The following IKZF1 variants were observed in gnomAD, a reference collection of about 807,000 sequenced individuals.
The protein encoded by IKZF1 is DNA-binding protein Ikaros.
IKZF1 carries 10 observed loss-of-function variants against 51.7 expected under a neutral mutation model. The ratio of observed to expected loss-of-function variants is 0.19; its 90% CI spans 0.12 to 0.33. The LOEUF (loss-of-function observed/expected upper bound fraction) is 0.33, where lower values mean the gene tolerates loss of function less well. Among genes scored for constraint, IKZF1 ranks in the 10% least tolerant of loss-of-function variants. The pLI is 1.00. For missense variants in IKZF1, 484 were observed against 707.5 expected (o/e 0.68, Z 3.58); for synonymous variants, 280 against 282.3 (o/e 0.99, Z 0.08).
intron 2 of IKZF1, among the ~76,000 whole-genome samples, chr7:50,324,934 C>G (rs2153378332): frequency 6.6e-6 from 1 of 152,212 alleles, no homozygotes; most frequent in East Asian, 1.9e-4. Flanking sequence ...AGCATGATCG[C>G]AGGGAAAAGC....
intron 3 of IKZF1, chr7:50,368,419 A>G (rs1807652617): frequency 1.6e-6 from 1 of 636,690 alleles, no homozygotes; most frequent in Admixed American, 2.5e-5. Flanking sequence ...TCTGTCACCA[A>G]CAAAGAACTG....
intron 3 of IKZF1, among the ~76,000 whole-genome samples, chr7:50,339,791 A>C (rs956969693): frequency 8.6e-5 from 13 of 151,882 alleles, no homozygotes; most frequent in Admixed American, 7.2e-4. Context: ...TCTGTGTCTT[A>C]TTTATGAGCT....
At chr7:50,370,495 T>C (rs1208690733) in intron 3 of IKZF1, among the ~76,000 whole-genome samples, 6 of 152,230 alleles carry the variant, frequency 3.9e-5, no homozygotes, top group African/African-American at 1.4e-4. Context: ...CCACCTTCCA[T>C]ACAGGGGTGT....
At chr7:50,311,335 A>ATGTGT (rs1790120384) in intron 1 of IKZF1, among the ~76,000 whole-genome samples, 1 of 152,238 alleles carries the variant, frequency 6.6e-6, no homozygotes, top group East Asian at 1.9e-4. Context: ...TTACTCTAGA[A>ATGTGT]CACATGTTCT....
upstream of IKZF1, chr7:50,304,505 G>T: frequency 6.7e-6 from 1 of 150,164 alleles, no homozygotes; most frequent in South Asian, 2.0e-4. Flanking sequence ...GGGCGCGGCG[G>T]GGGCGGCCGG....
At chr7:50,316,453 A>G (rs1454625052) in intron 1 of IKZF1, among the ~76,000 whole-genome samples, 1 of 152,234 alleles carries the variant, frequency 6.6e-6, no homozygotes, top group Non-Finnish European at 1.5e-5. Context: ...GGAAATGTCC[A>G]GCAGGCCCAC....
Position 50,404,166 on chromosome 7 carries a change from T to G in IKZF1, c.*3539T>G, listed in dbSNP as rs889502766. 8 of 214,680 alleles carry G rather than the reference T, an allele frequency of 3.7e-5. No individual in the cohort carries two copies. The highest frequency in any genetic ancestry group is 1.8e-4 in the African/African-American group (8 of 44,262). 13.3% of individuals were successfully genotyped at this position (214,680 alleles called of 1,614,324 possible). On this transcript the variant is annotated 3_prime_UTR_variant, in exon 8 of 8. Transcript: ENST00000331340. ...TTGTTTCCAATACTTTCTAATACAGTTTTTTATAATGTTGTGTGTGGTGAT... is the reference window on the plus strand; with the variant it reads ...TTGTTTCCAATACTTTCTAATACAGGTTTTTATAATGTTGTGTGTGGTGAT...
chr7:50,395,163 T>C (rs1200559129), intron 7 of IKZF1, among the ~76,000 whole-genome samples: 1 of 152,216 alleles, frequency 6.6e-6, no homozygotes, highest in African/African-American at 2.4e-5. Context: ...AAATTACCAA[T>C]ATTAAAAGTA....
chr7:50,356,260 A>G (rs1347546202), intron 3 of IKZF1, among the ~76,000 whole-genome samples: 1 of 152,256 alleles, frequency 6.6e-6, no homozygotes, highest in Non-Finnish European at 1.5e-5. Flanking sequence ...AAAATAACAG[A>G]ATGGCCTTCT....
At chr7:50,329,253 C>G (rs1335887485) in intron 3 of IKZF1, among the ~76,000 whole-genome samples, 1 of 150,724 alleles carries the variant, frequency 6.6e-6, no homozygotes, top group African/African-American at 2.4e-5. Context: ...ATCCAGAAAA[C>G]AAGTACATTT....
Position 50,400,746 on chromosome 7 carries a change from A to T in IKZF1, c.*119A>T. 1 of 1,266,768 alleles carries T rather than the reference A, an allele frequency of 7.9e-7. No individual in the cohort carries two copies. The highest frequency in any genetic ancestry group is 1.1e-6 in the Non-Finnish European group (1 of 931,824). The allele number at this position is 1,266,768 out of a possible 1,614,324, so 78.5% of individuals were successfully genotyped here. A position where few individuals can be genotyped will look rare whatever the true frequency, so the allele number is the denominator to read the frequency against. ...CTGGACCAGACAATGTTGTGTTTGG[A>T]TTTGTAACTGTTTTTTGTTTTTTGT... On this transcript the variant is annotated 3_prime_UTR_variant, in exon 8 of 8. Coordinates refer to ENST00000331340, the MANE Select transcript of IKZF1 (RefSeq NM_006060.6). This position sits in a 1 kb window ranked among gnomAD's most constrained non-coding sequence, Gnocchi z 5.4.
chr7:50,396,615 A>G (rs562752627), intron 7 of IKZF1, among the ~76,000 whole-genome samples: 3 of 151,952 alleles, frequency 2.0e-5, no homozygotes, highest in African/African-American at 7.2e-5. Flanking sequence ...TAACCCTGAC[A>G]TTTCTTTTCA....
chr7:50,391,802 G>A lies in IKZF1; in HGVS notation c.789G>A (p.Val263=). 1 of 1,614,024 alleles carries A rather than the reference G, an allele frequency of 6.2e-7. No homozygotes were observed. Among genetic ancestry groups the A allele is most frequent in the Non-Finnish European group, 8.5e-7 (1 of 1,179,902 alleles). The change falls in exon 7 of 8, where the codon GTG becomes GTA. Residue 263 remains valine, a synonymous_variant. Coordinates refer to ENST00000331340, the MANE Select transcript of IKZF1 (RefSeq NM_006060.6). ...AGATAGGATCAGAGAGATCTCTCGT[G>A]CTGGACAGACTAGCAAGTAACGTCG... is the stretch of plus-strand genomic sequence containing the variant. ...LCKIGSERSL[V]LDRLASNVAK...
chr7:50,394,616 T>G (rs1816160803), intron 7 of IKZF1, among the ~76,000 whole-genome samples: 1 of 152,164 alleles, frequency 6.6e-6, no homozygotes, highest in African/African-American at 2.4e-5. Context: ...ATTCTGAGGC[T>G]CAGAAGGGGT....
chr7:50,307,972 ATT>A (rs1789216472), intron 1 of IKZF1, among the ~76,000 whole-genome samples: 1 of 152,116 alleles, frequency 6.6e-6, no homozygotes, highest in Admixed American at 6.5e-5. Context: ...GCTTTCTTGT[ATT>A]TCTTTGCAGT....
chr7:50,308,826 G>A lies in IKZF1; in HGVS notation c.-15+3904G>A, dbSNP rs1272289499. 2.6e-5 allele frequency: 4 copies of A among 152,290 alleles called. No homozygotes were observed. The East Asian group carries it at 7.7e-4, about 29-fold the overall frequency. The allele number at this position is 152,290 out of a possible 1,614,324, so 9.4% of individuals were successfully genotyped here. A position where few individuals can be genotyped will look rare whatever the true frequency, so the allele number is the denominator to read the frequency against. On this transcript the variant is annotated intron_variant, in intron 1 of 7. Coordinates refer to ENST00000331340, the MANE Select transcript of IKZF1 (RefSeq NM_006060.6). Reference sequence around the variant, plus strand: ...GGTGGCTGGGTCTGAGGGGAACTCCGAGCAGCCCTAGGTCCTCAAAGTCTG... The same window carrying A: ...GGTGGCTGGGTCTGAGGGGAACTCCAAGCAGCCCTAGGTCCTCAAAGTCTG...
At chr7:50,368,413 T>C in intron 3 of IKZF1, 1 of 640,612 alleles carries the variant, frequency 1.6e-6, no homozygotes, top group Non-Finnish European at 2.8e-6. Context: ...ATATTTTCTG[T>C]CACCAACAAA....
At position 50,401,661 on chromosome 7, in the gene IKZF1, G is replaced by A. The variant is rs912765021; in HGVS notation, c.*1034G>A. 1 of 218,888 alleles carries A rather than the reference G, an allele frequency of 4.6e-6. No homozygotes were observed. Among genetic ancestry groups the A allele is most frequent in the Non-Finnish European group, 9.2e-6 (1 of 109,096 alleles). The allele number at this position is 218,888 out of a possible 1,614,324, so 13.6% of individuals were successfully genotyped here. Reference sequence around the variant, plus strand: ...CAATCCTAGCCCTCATTTTAATTATGTACATCTGTTTGTAGCCACAAGCCT... The same window carrying A: ...CAATCCTAGCCCTCATTTTAATTATATACATCTGTTTGTAGCCACAAGCCT... On this transcript the variant is annotated 3_prime_UTR_variant, in exon 8 of 8. Coordinates refer to ENST00000331340, the MANE Select transcript of IKZF1 (RefSeq NM_006060.6).
At chr7:50,369,944 C>T (rs1385208700) in intron 3 of IKZF1, among the ~76,000 whole-genome samples, 3 of 152,140 alleles carry the variant, frequency 2.0e-5, no homozygotes, top group African/African-American at 7.2e-5. Context: ...TAAATGGTTC[C>T]ATGAACTTTA....
Sources: allele counts gnomAD v4.1 joint callset (sites outside exome capture counted in the v4.1 genomes callset), GRCh38; gene constraint gnomAD v4.1.1; non-coding constraint Gnocchi (gnomAD v3.1); transcripts MANE v1.5; gene names NCBI Gene and HGNC (gene_info 2026-07-23, HGNC 2026-07-21).